The following ACTR8 variants were observed in gnomAD, a reference collection of about 807,000 sequenced individuals.
ACTR8 encodes the protein actin related protein 8.
Under a neutral mutation model 84.3 loss-of-function variants are expected in ACTR8, and 70 were observed. That is an observed-to-expected ratio of 0.83 (90% CI 0.68 to 1.01). The LOEUF (loss-of-function observed/expected upper bound fraction) is 1.01, where lower values mean the gene tolerates loss of function less well. Ranked by LOEUF, ACTR8 falls within the 50% of genes least tolerant of loss-of-function variation. The pLI is 0.00. For synonymous variants in ACTR8, 268 were observed against 275.2 expected (o/e 0.97, Z 0.26); for missense variants, 672 against 775.4 (o/e 0.87, Z 1.58).
chr3:53,866,107 A>C (rs1699770883), downstream of ACTR8, among the ~76,000 whole-genome samples: 1 of 152,254 alleles, frequency 6.6e-6, no homozygotes, highest in South Asian at 2.1e-4. Flanking sequence ...CTTAAATAAA[A>C]AACAGGGGTG....
At chr3:53,871,207 T>C in intron 11 of ACTR8, 25 bp downstream of exon 11, 2 of 1,599,470 alleles carry the variant, frequency 1.3e-6, no homozygotes, top group Admixed American at 1.7e-5. Flanking sequence ...CACTGCTATC[T>C]CCCGGTCTCC....
In ACTR8 at chr3:53,878,441, T is replaced by C. The variant is rs1225408728; in HGVS notation, c.321A>G (p.Gln107=). 1 of 1,613,522 alleles carries C rather than the reference T, an allele frequency of 6.2e-7. No individual in the cohort carries two copies. Among genetic ancestry groups the C allele is most frequent in the East Asian group, 2.2e-5 (1 of 44,852 alleles). The change falls in exon 3 of 13, where the codon CAA becomes CAG. Residue 107 remains glutamine, a synonymous_variant. Transcript: ENST00000335754. ...LNKPESNEQR[Q]NGLKMVDQAI... ...CTTGATCCACCATTTTAAGGCCATT[T>C]TGTCTTTGTTCATTACTTTCTGGTT...
rs1303370498 is a variant in ACTR8, at chr3:53,867,715, CA to C, written c.*1003del. The C allele has an allele frequency of 2.0e-5, 3 of 152,332 alleles. No individual in the cohort carries two copies. The highest frequency in any genetic ancestry group is 7.2e-5 in the African/African-American group (3 of 41,570). 9.4% of individuals were successfully genotyped at this position (152,332 alleles called of 1,614,324 possible). ...CCCAGACTGTGTTCCTACCTCTGGA[CA>C]ATGCTTTCTCTTCCTCCTGGGCTCA... On this transcript the variant is annotated 3_prime_UTR_variant, in exon 13 of 13. Coordinates refer to ENST00000335754, the MANE Select transcript of ACTR8 (RefSeq NM_022899.5).
At chr3:53,866,556 A>C (rs940304808), downstream of ACTR8, among the ~76,000 whole-genome samples, 4 of 151,698 alleles carry the variant, frequency 2.6e-5, no homozygotes, top group Non-Finnish European at 4.4e-5. Flanking sequence ...ACCTCGGCTC[A>C]CTACAACCTC....
chr3:53,878,265 T>C lies in ACTR8; in HGVS notation c.405+92A>G. ...CTTCCTTTTTAAGGAACTCCCATCT[T>C]GTATTTGCATAGTGGTATAGGAAGA... On this transcript the variant is annotated intron_variant, in intron 3 of 12. Coordinates refer to ENST00000335754, the MANE Select transcript of ACTR8 (RefSeq NM_022899.5). 3.1e-6 allele frequency: 3 copies of C among 967,764 alleles called. No homozygotes were observed. In the East Asian group the frequency reaches 7.3e-5, roughly 24 times the overall value. 59.9% of individuals were successfully genotyped at this position (967,764 alleles called of 1,614,324 possible).
chr3:53,876,099 A>AC lies in ACTR8; in HGVS notation c.779-20_779-19insG. On this transcript the variant is annotated intron_variant, in intron 6 of 12. Coordinates refer to ENST00000335754, the MANE Select transcript of ACTR8 (RefSeq NM_022899.5). ...ACAATCCCTGGGGGGGGAAAAGAAAAGGCAGAGTAGTCATTAGCTGTAGCA... is the reference window on the plus strand; with the variant it reads ...ACAATCCCTGGGGGGGGAAAAGAAAACGGCAGAGTAGTCATTAGCTGTAGCA... 1.9e-6 allele frequency: 3 copies of AC among 1,611,752 alleles called. No homozygotes were observed. The highest frequency in any genetic ancestry group is 2.5e-6 in the Non-Finnish European group (3 of 1,178,592).
At chr3:53,881,744 G>A (rs1310871233) in intron 1 of ACTR8, 30 of 626,640 alleles carry the variant, frequency 4.8e-5, no homozygotes, top group Middle Eastern at 4.3e-4. Flanking sequence ...GGGCGTGCGG[G>A]AGATCGGAGC....
chr3:53,868,677 G>A lies in ACTR8; in HGVS notation c.*42C>T. 6.2e-7 allele frequency: 1 copy of A among 1,605,476 alleles called. No homozygotes were observed. Among genetic ancestry groups the A allele is most frequent in the Admixed American group, 1.7e-5 (1 of 58,524 alleles). On this transcript the variant is annotated 3_prime_UTR_variant, in exon 13 of 13. Coordinates refer to ENST00000335754, the MANE Select transcript of ACTR8 (RefSeq NM_022899.5). The stretch of plus-strand genomic sequence containing the variant: ...ATTCTGTAAGAGTCTTTTATACCAA[G>A]AAGCTTGTTTTTGGTCTTCGGCAGT...
Position 53,876,085 on chromosome 3 carries a change from G to GC in ACTR8, c.779-6_779-5insG, listed in dbSNP as rs758047106. 8.4e-4 allele frequency: 1,329 copies of GC among 1,582,682 alleles called. 3 individuals are homozygous for GC. Among genetic ancestry groups the GC allele is most frequent in the African/African-American group, 3.0e-3 (186 of 62,916 alleles). Reference sequence around the variant, plus strand: ...ACTCCTGATGGACCACAATCCCTGGGGGGGGAAAAGAAAAGGCAGAGTAGT... The same window carrying GC: ...ACTCCTGATGGACCACAATCCCTGGGCGGGGGAAAAGAAAAGGCAGAGTAGT... On this transcript the variant is annotated splice_region_variant and splice_polypyrimidine_tract_variant and intron_variant, in intron 6 of 12. Transcript: ENST00000335754.
intron 10 of ACTR8, among the ~76,000 whole-genome samples, 172 bp from the exon 11 acceptor site, chr3:53,871,668 GATGAAGATGCTTTGACCATTCC>G (rs1425684578): frequency 1.3e-5 from 2 of 152,212 alleles, no homozygotes; most frequent in Non-Finnish European, 2.9e-5. Flanking sequence ...ACGGTGCACA[GATGAAGATGCTTTGACCATTCC>G]AAAGCAAGGT....
chr3:53,860,109 A>C, the ACTR8 span: 1 of 1,579,996 alleles, frequency 6.3e-7, no homozygotes, highest in South Asian at 1.1e-5. Flanking sequence ...TCCAAAGGTG[A>C]ATAAGCTTTG....
At chr3:53,865,065 C>G (rs376992001), downstream of ACTR8, 1 of 1,614,038 alleles carries the variant, frequency 6.2e-7, no homozygotes, top group Non-Finnish European at 8.5e-7. Context: ...CTCAAGACCT[C>G]TTCCCCCTTG....
At chr3:53,861,977 T>C in the ACTR8 span, among the ~76,000 whole-genome samples, 7 of 152,230 alleles carry the variant, frequency 4.6e-5, no homozygotes, top group Non-Finnish European at 1.0e-4. Context: ...TGGCCTTATC[T>C]ATAAAGCTGC....
chr3:53,881,675 T>G, intron 1 of ACTR8: 287 of 457,936 alleles, frequency 6.3e-4, no homozygotes, highest in East Asian at 1.5e-3. Context: ...CCGTGGTCGT[T>G]TTATGGTCGG....
the ACTR8 span, chr3:53,861,101 A>G: frequency 9.9e-5 from 15 of 152,196 alleles, no homozygotes. Flanking sequence ...GATGCTAACC[A>G]TCTCCAAACG....
chr3:53,865,050 GA>G, downstream of ACTR8: 1 of 1,614,180 alleles, frequency 6.2e-7, no homozygotes. Flanking sequence ...GTCCCAGTGA[GA>G]ACTCTCAAGA....
At chr3:53,879,237 T>A (rs193138488) in intron 2 of ACTR8, among the ~76,000 whole-genome samples, 1 of 152,218 alleles carries the variant, frequency 6.6e-6, no homozygotes, top group Non-Finnish European at 1.5e-5. Context: ...CGGACTCTTA[T>A]ATCAGCAAGT....
chr3:53,877,333 C>A lies in ACTR8; in HGVS notation c.565G>T (p.Gly189Cys). Reference sequence around the variant, plus strand: ...GGGCCTGGGTGAATATTTAACTGACCTCTTCTGATAGGCCAGTGAATATTG... The same window carrying A: ...GGGCCTGGGTGAATATTTAACTGACATCTTCTGATAGGCCAGTGAATATTG... ...CYNIHWPIRR[G>C]QLNIHPGPGG... is the part of the protein sequence containing the mutation. Residue 189 changes from glycine to cysteine, a missense_variant, in exon 5 of 13, where the codon GGT becomes TGT. Coordinates refer to ENST00000335754, the MANE Select transcript of ACTR8 (RefSeq NM_022899.5). 2 of 1,613,986 alleles carry A rather than the reference C, an allele frequency of 1.2e-6. No homozygotes were observed. Among genetic ancestry groups the A allele is most frequent in the Non-Finnish European group, 1.7e-6 (2 of 1,179,954 alleles).
At position 53,868,473 on chromosome 3, in the gene ACTR8, G is replaced by T. The variant is rs752293669; in HGVS notation, c.*246C>A. On this transcript the variant is annotated 3_prime_UTR_variant, in exon 13 of 13. Coordinates refer to ENST00000335754, the MANE Select transcript of ACTR8 (RefSeq NM_022899.5). ...CACTGGGGAGTTTATGAGACCCTGA[G>T]AGAGGGCAAGAGAGTTTACAACTGA... The T allele has an allele frequency of 4.1e-6, 2 of 482,384 alleles. No homozygotes were observed. Among genetic ancestry groups the T allele is most frequent in the Non-Finnish European group, 7.2e-6 (2 of 278,006 alleles). 29.9% of individuals were successfully genotyped at this position (482,384 alleles called of 1,614,324 possible).
Sources: gnomAD v4.1 joint callset for allele counts (sites outside exome capture counted in the v4.1 genomes callset) on GRCh38, gnomAD v4.1.1 for gene constraint, MANE v1.5 for transcripts, NCBI Gene and HGNC (gene_info 2026-07-23, HGNC 2026-07-21) for gene names.